Variants in HSH2D observed in about 807,000 individuals in gnomAD.
HSH2D encodes the protein hematopoietic SH2 domain-containing protein.
A neutral mutation model predicts 21.5 loss-of-function variants in HSH2D; 16 were observed. The ratio of observed to expected loss-of-function variants is 0.74; its 90% CI spans 0.50 to 1.13. The LOEUF (loss-of-function observed/expected upper bound fraction) is 1.13, where lower values mean the gene tolerates loss of function less well. Among genes scored for constraint, HSH2D ranks in the 50% most tolerant of loss-of-function variants. HSH2D has a pLI of 0.00. For synonymous variants in HSH2D, 172 were observed against 184.7 expected, an observed-to-expected ratio of 0.93 and a Z score of 0.56; for missense variants, 418 against 441.4, an observed-to-expected ratio of 0.95 and a Z score of 0.47.
chr19:16,142,621 G>A (rs1008139166), upstream of HSH2D, among the ~76,000 whole-genome samples: 4 of 151,822 alleles, frequency 2.6e-5, no homozygotes, highest in Middle Eastern at 3.2e-3. Context: ...GTGTCACCAC[G>A]CCGGGCTAAT....
At chr19:16,141,146 G>A (rs1023566563), upstream of HSH2D, among the ~76,000 whole-genome samples, 1 of 152,234 alleles carries the variant, frequency 6.6e-6, no homozygotes, top group African/African-American at 2.4e-5. Context: ...CACAGATGCA[G>A]AACTGAGGCT....
chr19:16,145,641 G>A (rs1184733659), intron 1 of HSH2D, among the ~76,000 whole-genome samples: 1 of 152,178 alleles, frequency 6.6e-6, no homozygotes, highest in Non-Finnish European at 1.5e-5. Flanking sequence ...ACATCTGGTT[G>A]GAGAAAGTCA....
At chr19:16,148,235 G>GC (rs1568329721) in intron 1 of HSH2D, among the ~76,000 whole-genome samples, 1 of 151,952 alleles carries the variant, frequency 6.6e-6, no homozygotes, top group African/African-American at 2.4e-5. Flanking sequence ...TGCAACCTCT[G>GC]CCCCCCGGGT....
chr19:16,148,199 A>G (rs1217822138), intron 1 of HSH2D, among the ~76,000 whole-genome samples: 1 of 151,708 alleles, frequency 6.6e-6, no homozygotes, highest in Non-Finnish European at 1.5e-5. Flanking sequence ...CCCAGGCTGG[A>G]GCACAGTGGC....
At chr19:16,143,986 G>A (rs1017252783) in intron 1 of HSH2D, among the ~76,000 whole-genome samples, 1 of 152,212 alleles carries the variant, frequency 6.6e-6, no homozygotes, top group African/African-American at 2.4e-5. Context: ...CAAGACAACA[G>A]CATGAGCAAA....
intron 5 of HSH2D, among the ~76,000 whole-genome samples, chr19:16,156,435 C>T (rs556329663): frequency 7.2e-5 from 11 of 152,236 alleles, no homozygotes; most frequent in South Asian, 2.1e-4. Context: ...CCTCCTGCCT[C>T]AGCCTTCCAA....
At chr19:16,154,337 G>A (rs1205379257) in intron 4 of HSH2D, 62 bp from the exon 5 acceptor site, 8 of 1,126,148 alleles carry the variant, frequency 7.1e-6, no homozygotes, top group Non-Finnish European at 8.9e-6. Context: ...CTGCCTTCCA[G>A]GGTCCGTGCA....
intron 5 of HSH2D, chr19:16,155,535 G>GGGGCCAAGTGCACCTT (rs1214160895): frequency 6.6e-6 from 1 of 152,442 alleles, no homozygotes; most frequent in Non-Finnish European, 1.5e-5. Context: ...CAATAGTGCA[G>GGGGCCAAGTGCACCTT]GGCCTTGGAG....
rs190808280 is a variant in HSH2D, at chr19:16,154,401, G to A, written c.384G>A (p.Lys128=). 5.1e-4 allele frequency: 795 copies of A among 1,550,118 alleles called. 5 individuals carry two copies. The African/African-American group carries it at 9.7e-3, about 19-fold the overall frequency. ...TACAGGCCCCTTCCGCCCTGCAGAA[G>A]GATCCCGCAAACGTGGATTACGAGG... is the stretch of plus-strand genomic sequence containing the variant. ...RELLTQPCRQ[K]DPANVDYEDL... is the part of the protein sequence containing the mutation. Residue 128 remains lysine, a splice_region_variant and synonymous_variant, in exon 5 of 6, where the codon AAG becomes AAA. Transcript: ENST00000613986.
intron 1 of HSH2D, among the ~76,000 whole-genome samples, chr19:16,138,556 C>A (rs2090979131): frequency 6.6e-6 from 1 of 151,410 alleles, no homozygotes; most frequent in Non-Finnish European, 1.5e-5. Flanking sequence ...CTCCCGGGTT[C>A]AAGCGATTCT....
chr19:16,148,972 C>T (rs2091110790), intron 2 of HSH2D, 97 bp downstream of exon 2: 1 of 1,349,962 alleles, frequency 7.4e-7, no homozygotes, highest in Non-Finnish European at 1.0e-6. Flanking sequence ...CTGGACTTGG[C>T]TCAGCTCAGT....
intron 3 of HSH2D, 193 bp downstream of exon 3, chr19:16,152,834 C>T (rs759129540): frequency 1.3e-6 from 1 of 766,134 alleles, no homozygotes; most frequent in Non-Finnish European, 2.3e-6. Flanking sequence ...CTGAGGCCAG[C>T]CTTTGTACTC....
chr19:16,140,876 G>A (rs2090995323), upstream of HSH2D, among the ~76,000 whole-genome samples: 1 of 151,972 alleles, frequency 6.6e-6, no homozygotes, highest in Non-Finnish European at 1.5e-5. Flanking sequence ...AACAGAGTGA[G>A]GGGACCCTAC....
In HSH2D at chr19:16,153,215, G is replaced by A; in HGVS notation, c.381+7G>A. On this transcript the variant is annotated splice_region_variant and intron_variant, in intron 4 of 5. Coordinates refer to ENST00000613986, the MANE Select transcript of HSH2D (RefSeq NM_001382417.1). ...GACACAGCCCTGCAGGCAGGTGAGG[G>A]CGGGGACCCACAAGGTTCACAGCCA... is the stretch of plus-strand genomic sequence containing the variant. 6.6e-7 allele frequency: 1 copy of A among 1,515,258 alleles called. No homozygotes were observed. Among genetic ancestry groups the A allele is most frequent in the Non-Finnish European group, 8.8e-7 (1 of 1,133,724 alleles). 93.9% of individuals were successfully genotyped at this position (1,515,258 alleles called of 1,614,324 possible). A position where few individuals can be genotyped will look rare whatever the true frequency, so the allele number is the denominator to read the frequency against.
At chr19:16,144,104 G>A (rs181793488) in intron 1 of HSH2D, among the ~76,000 whole-genome samples, 2 of 152,066 alleles carry the variant, frequency 1.3e-5, no homozygotes, top group Non-Finnish European at 2.9e-5. Flanking sequence ...TTGAATTTGA[G>A]CATGCGGTCT....
At chr19:16,148,108 A>G (rs1236311094) in intron 1 of HSH2D, among the ~76,000 whole-genome samples, 1 of 151,940 alleles carries the variant, frequency 6.6e-6, no homozygotes, top group Non-Finnish European at 1.5e-5. Context: ...ACAGGCATGC[A>G]CCACCACACC....
rs1491275262 is a variant in HSH2D at position 16,145,037 on chromosome 19, G to GGGT, written c.-28+1263_-28+1264insGGT. Reference sequence around the variant, plus strand: ...GGTGGTGATGGGTTTTTTTTTTGGGGTTTTTTTTTTTTTTTTTGTGAGACA... The same window carrying GGGT: ...GGTGGTGATGGGTTTTTTTTTTGGGGGGTTTTTTTTTTTTTTTTTTGTGAGACA... On this transcript the variant is annotated intron_variant, in intron 1 of 5. Coordinates refer to ENST00000613986, the MANE Select transcript of HSH2D (RefSeq NM_001382417.1). 5.9e-5 allele frequency among the ~76,000 whole-genome samples: 7 copies of GGGT among 119,454 alleles called. No homozygotes were observed. The East Asian group carries it at 1.7e-3, about 29-fold the overall frequency. 78.4% of individuals were successfully genotyped at this position (119,454 alleles called of 152,430 possible).
chr19:16,152,688 G>A (rs891131944), intron 3 of HSH2D, 47 bp downstream of exon 3: 3 of 1,437,990 alleles, frequency 2.1e-6, no homozygotes, highest in East Asian at 2.4e-5. Context: ...GGGCTCTTGG[G>A]TTTCCTTGGA....
At chr19:16,153,613 G>A (rs952688457) in intron 4 of HSH2D, among the ~76,000 whole-genome samples, 1 of 142,958 alleles carries the variant, frequency 7.0e-6, no homozygotes, top group Non-Finnish European at 1.5e-5. Flanking sequence ...AGAAGGCTCA[G>A]TGGGTGTGGC....
Sources: gnomAD v4.1 joint callset for allele counts (sites outside exome capture counted in the v4.1 genomes callset) on GRCh38, gnomAD v4.1.1 for gene constraint, MANE v1.5 for transcripts, NCBI Gene and HGNC (gene_info 2026-07-23, HGNC 2026-07-21) for gene names.